The following PLIN4 variants were observed in gnomAD, a reference collection of about 807,000 sequenced individuals.
PLIN4 encodes the protein perilipin 4.
A neutral mutation model predicts 52.4 loss-of-function variants in PLIN4; 57 were observed. That is an observed-to-expected ratio of 1.09 (90% CI 0.88 to 1.36). The LOEUF is 1.36. PLIN4 is among the 40% of genes most tolerant of loss of function. The pLI, the probability that PLIN4 is intolerant of heterozygous loss-of-function variation, is 0.00. For missense variants in PLIN4, 1,757 were observed against 1,770.3 expected (o/e 0.99, Z 0.13); for synonymous variants, 826 against 785.4 (o/e 1.05, Z -0.86).
intron 5 of PLIN4, among the ~76,000 whole-genome samples, chr19:4,509,279 C>G (rs1425914435): frequency 1.1e-5 from 1 of 95,158 alleles, no homozygotes; most frequent in Non-Finnish European, 2.1e-5. Context: ...CCACTGCACT[C>G]CAGCCTGGGT....
intron 6 of PLIN4, among the ~76,000 whole-genome samples, chr19:4,507,221 C>T (rs1448825929): frequency 1.3e-5 from 2 of 152,252 alleles, no homozygotes; most frequent in Admixed American, 6.5e-5. Context: ...TGACCGAGGG[C>T]GGCATCTCAA....
chr19:4,517,926 C>G (rs973485725), intron 2 of PLIN4, among the ~76,000 whole-genome samples: 1 of 152,238 alleles, frequency 6.6e-6, no homozygotes, highest in Non-Finnish European at 1.5e-5. Flanking sequence ...CTCCAAAGAC[C>G]TTTTCCTTCC....
chr19:4,505,701 C>G (rs992720593), intron 6 of PLIN4, among the ~76,000 whole-genome samples: 1 of 152,104 alleles, frequency 6.6e-6, no homozygotes, highest in Non-Finnish European at 1.5e-5. Context: ...GGTAGGGATG[C>G]GGCACGCCGT....
At chr19:4,508,459 G>T (rs1279568688) in intron 6 of PLIN4, among the ~76,000 whole-genome samples, 3 of 152,150 alleles carry the variant, frequency 2.0e-5, no homozygotes, top group Admixed American at 1.3e-4. Context: ...TAGAGACGGG[G>T]TTTCTCTGTG....
At chr19:4,513,849 C>A in intron 4 of PLIN4, 148 bp from the exon 5 acceptor site, 1 of 1,034,426 alleles carries the variant, frequency 9.7e-7, no homozygotes, top group Non-Finnish European at 1.3e-6. Context: ...AAGCTGCTTC[C>A]TCCTCACCCC....
At chr19:4,515,559 G>A (rs115738835) in intron 4 of PLIN4, among the ~76,000 whole-genome samples, 3,727 of 152,214 alleles carry the variant, frequency 0.024, 158 homozygotes, top group African/African-American at 0.085. Flanking sequence ...GTGAACCACC[G>A]TGCCCGGCCA....
chr19:4,510,355 G>A (rs1342847123), intron 5 of PLIN4, 91 bp downstream of exon 5: 14 of 1,253,508 alleles, frequency 1.1e-5, no homozygotes, highest in Middle Eastern at 4.2e-4. Context: ...AACAGAGCAC[G>A]ACTCTGTCTC....
chr19:4,505,795 A>G (rs577392652), intron 6 of PLIN4, among the ~76,000 whole-genome samples: 8 of 152,096 alleles, frequency 5.3e-5, no homozygotes, highest in African/African-American at 1.4e-4. Flanking sequence ...GCATATGCAG[A>G]CGCGTCCCCT....
chr19:4,514,078 C>T (rs1976522063), intron 4 of PLIN4, among the ~76,000 whole-genome samples: 1 of 152,260 alleles, frequency 6.6e-6, no homozygotes, highest in African/African-American at 2.4e-5. Context: ...ATTTCTGTTC[C>T]TCTTGCTTAT....
At position 4,502,315 on chromosome 19, in the gene PLIN4, A is replaced by C. The variant is rs1301275279; in HGVS notation, c.*2144T>G. ...GGCCCGTTTGGGACTGGGTTGAGCC[A>C]TCAGGCCACCGTGAGAAGCGACTAA... is the stretch of plus-strand genomic sequence containing the variant. On this transcript the variant is annotated 3_prime_UTR_variant, in exon 8 of 8. Transcript: ENST00000301286. 2 of 450,314 alleles carry C rather than the reference A, an allele frequency of 4.4e-6. No homozygotes were observed. The highest frequency in any genetic ancestry group is 8.1e-6 in the Non-Finnish European group (2 of 246,506). 27.9% of individuals were successfully genotyped at this position (450,314 alleles called of 1,614,324 possible).
At position 4,511,061 on chromosome 19, in the gene PLIN4, C is replaced by A; in HGVS notation, c.2899G>T (p.Gly967Ter). ...GCCACATTCACTGCCCCCGTGACTC[C>A]AGTAGTCACTGCATCCTTAGCGCCA... The part of the protein sequence containing the change: ...LSGAKDAVTT[G>*]VTGAVNVAKG... The change falls in exon 5 of 8, where the codon GGA becomes TGA. Residue 967 changes from glycine (G) to a stop codon, truncating the protein, a stop_gained. Coordinates refer to ENST00000301286, the MANE Select transcript of PLIN4 (RefSeq NM_001367868.2). LOFTEE classifies it high-confidence loss of function. 6.2e-7 allele frequency: 1 copy of A among 1,613,550 alleles called. No individual in the cohort carries two copies.
At chr19:4,507,814 G>A (rs1374225938) in intron 6 of PLIN4, among the ~76,000 whole-genome samples, 4 of 152,090 alleles carry the variant, frequency 2.6e-5, no homozygotes, top group South Asian at 4.2e-4. Flanking sequence ...GGCCAGGGAC[G>A]CTGCTCAGCT....
chr19:4,513,569 C>T lies in PLIN4; in HGVS notation c.391G>A (p.Ala131Thr). The T allele has an allele frequency of 6.2e-7, 1 of 1,606,072 alleles. No individual in the cohort carries two copies. Among genetic ancestry groups the T allele is most frequent in the Non-Finnish European group, 8.5e-7 (1 of 1,176,546 alleles). Reference sequence around the variant, plus strand: ...ACCACCTCCTTGGTGCCCGTAAGTGCAGACCGAGTGGTGTCCAGGCCTCCC... The same window carrying T: ...ACCACCTCCTTGGTGCCCGTAAGTGTAGACCGAGTGGTGTCCAGGCCTCCC... ...VQGGLDTTRS[A>T]LTGTKEVVSS... Residue 131 changes from alanine to threonine, a missense_variant, in exon 5 of 8, where the codon GCA becomes ACA. This residue lies in a region of PLIN4 where 332 missense variants were observed against 310.8 expected (regional missense o/e 1.07). Coordinates refer to ENST00000301286, the MANE Select transcript of PLIN4 (RefSeq NM_001367868.2).
Position 4,513,573 on chromosome 19 carries a change from C to T in PLIN4, c.387G>A (p.Arg129=), listed in dbSNP as rs553936423. Residue 129 remains arginine, a synonymous_variant, in exon 5 of 8, where the codon CGG becomes CGA. Coordinates refer to ENST00000301286, the MANE Select transcript of PLIN4 (RefSeq NM_001367868.2). The part of the protein sequence containing the change: ...GVVQGGLDTT[R]SALTGTKEVV... Reference sequence around the variant, plus strand: ...CCTCCTTGGTGCCCGTAAGTGCAGACCGAGTGGTGTCCAGGCCTCCCTGGA... The same window carrying T: ...CCTCCTTGGTGCCCGTAAGTGCAGATCGAGTGGTGTCCAGGCCTCCCTGGA... 6.2e-7 allele frequency: 1 copy of T among 1,605,838 alleles called. No individual in the cohort carries two copies. The highest frequency in any genetic ancestry group is 1.3e-5 in the African/African-American group (1 of 74,776).
At position 4,504,690 on chromosome 19, in the gene PLIN4, G is replaced by T; in HGVS notation, c.3885C>A (p.Pro1295=). The T allele has an allele frequency of 1.2e-6, 2 of 1,601,436 alleles. No homozygotes were observed. Among genetic ancestry groups the T allele is most frequent in the Non-Finnish European group, 1.7e-6 (2 of 1,177,904 alleles). ...GCCCCACTGGCTGCTGGAGCTCGGC[G>T]GGCAGGCCCTGGAGGCTGGAGACCA... ...SGLVSSLQGL[P]AELQQPVGRA... The change falls in exon 8 of 8, where the codon CCC becomes CCA. Residue 1295 remains proline (P), a synonymous_variant. Coordinates refer to ENST00000301286, the MANE Select transcript of PLIN4 (RefSeq NM_001367868.2).
chr19:4,510,975 G>A lies in PLIN4; in HGVS notation c.2985C>T (p.Asp995=), dbSNP rs1976290177. The part of the protein sequence containing the change: ...ASKAVLMGTK[D]TVFSGVTGAM... ...CACCGGTAACCCCACTGAAGACAGT[G>A]TCCTTGGTACCCATAAGCACAGCCT... Residue 995 remains aspartate (D), a synonymous_variant, in exon 5 of 8, where the codon GAC becomes GAT. Coordinates refer to ENST00000301286, the MANE Select transcript of PLIN4 (RefSeq NM_001367868.2). The A allele has an allele frequency of 1.9e-6, 3 of 1,613,150 alleles. No homozygotes were observed. The highest frequency in any genetic ancestry group is 2.2e-5 in the East Asian group (1 of 44,838).
Position 4,513,434 on chromosome 19 carries a change from G to A in PLIN4, c.526C>T (p.Leu176Phe). Residue 176 changes from leucine (L) to phenylalanine (F), a missense_variant, in exon 5 of 8, where the codon CTC becomes TTC. This residue lies in a region of PLIN4 where 332 missense variants were observed against 310.8 expected (regional missense o/e 1.07). Coordinates refer to ENST00000301286, the MANE Select transcript of PLIN4 (RefSeq NM_001367868.2). Reference protein sequence around the residue: ...TGTKDTVSTGLTGAVNVAKGT... With the variant: ...TGTKDTVSTGFTGAVNVAKGT... ...TTGGCCACATTCACTGCCCCCGTGA[G>A]CCCAGTGGACACCGTGTCCTTGGTG... The A allele has an allele frequency of 1.2e-6, 2 of 1,613,490 alleles. No individual in the cohort carries two copies. The highest frequency in any genetic ancestry group is 1.3e-5 in the African/African-American group (1 of 75,040).
rs1976589423 is a variant in PLIN4 at position 4,516,635 on chromosome 19, C to T, written c.240G>A (p.Glu80=). The T allele has an allele frequency of 6.2e-7, 1 of 1,605,346 alleles. No homozygotes were observed. The highest frequency in any genetic ancestry group is 8.5e-7 in the Non-Finnish European group (1 of 1,176,096). ...PEQTAPWTEK[E]LQPSEKMVSG... ...CTCTCACCTTTTCCGAAGGTTGCAG[C>T]TCCTTCTCCGTCCATGGGGCCGTCT... is the stretch of plus-strand genomic sequence containing the variant. The change falls in exon 4 of 8, where the codon GAG becomes GAA. Residue 80 remains glutamate, a synonymous_variant. Transcript: ENST00000301286.
intron 5 of PLIN4, among the ~76,000 whole-genome samples, chr19:4,510,040 G>A (rs936087274): frequency 1.3e-5 from 2 of 149,366 alleles, no homozygotes; most frequent in Admixed American, 6.7e-5. Context: ...ACCCCCATCT[G>A]AAACAAACCA....
Sources: gnomAD v4.1 joint callset for allele counts (sites outside exome capture counted in the v4.1 genomes callset) on GRCh38, gnomAD v4.1.1 for gene constraint, gnomAD v4.1.1 regional missense constraint, MANE v1.5 for transcripts, NCBI Gene and HGNC (gene_info 2026-07-23, HGNC 2026-07-21) for gene names.